Variants in MRPS27 observed in about 807,000 individuals in gnomAD.
MRPS27 encodes the protein mitochondrial ribosomal protein S27, also known as small ribosomal subunit protein mS27.
MRPS27 carries 43 observed loss-of-function variants against 48.9 expected under a neutral mutation model. The ratio of observed to expected loss-of-function variants is 0.88; its 90% CI spans 0.69 to 1.13. The LOEUF (loss-of-function observed/expected upper bound fraction) is 1.13, where lower values mean the gene tolerates loss of function less well. Among genes scored for constraint, MRPS27 ranks in the 50% most tolerant of loss-of-function variants. The pLI is 0.00. For synonymous variants in MRPS27, 188 were observed against 171.9 expected, an observed-to-expected ratio of 1.09 and a Z score of -0.73; for missense variants, 467 against 476.3, an observed-to-expected ratio of 0.98 and a Z score of 0.18.
At chr5:72,258,510 G>C (rs1305438637) in intron 4 of MRPS27, among the ~76,000 whole-genome samples, 1 of 152,146 alleles carries the variant, frequency 6.6e-6, no homozygotes, top group African/African-American at 2.4e-5. Flanking sequence ...GGACAACACT[G>C]CTGGGAAGTG....
At chr5:72,267,885 G>A (rs1020692173) in intron 4 of MRPS27, among the ~76,000 whole-genome samples, 1 of 151,944 alleles carries the variant, frequency 6.6e-6, no homozygotes, top group African/African-American at 2.4e-5. Context: ...AAATGTTCAG[G>A]GAACTTATGT....
intron 5 of MRPS27, among the ~76,000 whole-genome samples, chr5:72,237,492 T>C (rs139017908): frequency 6.6e-6 from 1 of 152,294 alleles, no homozygotes; most frequent in African/African-American, 2.4e-5. Flanking sequence ...TTCAAACTAG[T>C]GTTTAGCTTC....
At chr5:72,291,357 C>G (rs746218356) in intron 4 of MRPS27, among the ~76,000 whole-genome samples, 1 of 152,158 alleles carries the variant, frequency 6.6e-6, no homozygotes, top group Non-Finnish European at 1.5e-5. Flanking sequence ...CTCTGGCAGT[C>G]TGATGAAGGC....
At chr5:72,307,696 T>C (rs1750311040) in intron 2 of MRPS27, among the ~76,000 whole-genome samples, 1 of 151,938 alleles carries the variant, frequency 6.6e-6, no homozygotes, top group African/African-American at 2.4e-5. Context: ...TCTGTGGCGT[T>C]AGAAGTCAGG....
At chr5:72,233,103 A>G (rs779101986) in intron 6 of MRPS27, among the ~76,000 whole-genome samples, 7 of 152,164 alleles carry the variant, frequency 4.6e-5, no homozygotes, top group Non-Finnish European at 7.4e-5. Context: ...ATGCTAAAGG[A>G]AACCCTAAAT....
At chr5:72,241,443 A>ATTTT (rs918928847) in intron 4 of MRPS27, 11 of 556,846 alleles carry the variant, frequency 2.0e-5, no homozygotes, top group Admixed American at 1.3e-4. Context: ...CCCCATCAGC[A>ATTTT]TTAAAAAGAT....
intron 8 of MRPS27, chr5:72,227,091 A>C (rs1425279287): frequency 6.6e-6 from 1 of 152,402 alleles, no homozygotes; most frequent in Non-Finnish European, 1.5e-5. Context: ...CATTCTGGGC[A>C]GCTGCTTCCA....
chr5:72,318,633 G>A (rs1427136327), intron 1 of MRPS27, among the ~76,000 whole-genome samples: 1 of 152,094 alleles, frequency 6.6e-6, no homozygotes, highest in South Asian at 2.1e-4. Flanking sequence ...CGTCTCTACT[G>A]AAAATACAAA....
chr5:72,225,609 A>G (rs1747872350), intron 9 of MRPS27, among the ~76,000 whole-genome samples: 1 of 152,226 alleles, frequency 6.6e-6, no homozygotes, highest in African/African-American at 2.4e-5. Context: ...CATCAGCATC[A>G]CACATTCACA....
intron 4 of MRPS27, among the ~76,000 whole-genome samples, chr5:72,253,379 C>A (rs1748718415): frequency 6.6e-6 from 1 of 152,072 alleles, no homozygotes; most frequent in Non-Finnish European, 1.5e-5. Context: ...GATCTGTAAA[C>A]TAGTCAATGG....
intron 2 of MRPS27, among the ~76,000 whole-genome samples, chr5:72,305,552 G>C (rs1254698495): frequency 6.6e-6 from 1 of 152,178 alleles, no homozygotes; most frequent in Non-Finnish European, 1.5e-5. Context: ...AACAAACCAA[G>C]AGAAACCAAC....
At chr5:72,260,002 C>G (rs1748924528) in intron 4 of MRPS27, among the ~76,000 whole-genome samples, 1 of 152,156 alleles carries the variant, frequency 6.6e-6, no homozygotes, top group Admixed American at 6.5e-5. Flanking sequence ...CTTACTAGAA[C>G]TGCCTTTCCT....
chr5:72,240,840 A>C (rs1437192835), intron 4 of MRPS27, among the ~76,000 whole-genome samples: 1 of 152,212 alleles, frequency 6.6e-6, no homozygotes, highest in Non-Finnish European at 1.5e-5. Flanking sequence ...GCCTAAAGGG[A>C]AAGTTACTCA....
intron 7 of MRPS27, chr5:72,229,354 G>C (rs1378518624): frequency 6.6e-6 from 1 of 152,026 alleles, no homozygotes; most frequent in East Asian, 1.9e-4. Context: ...TGCAATACAA[G>C]TGTCATTTCT....
intron 10 of MRPS27, 45 bp from the exon 11 acceptor site, chr5:72,221,193 GA>G (rs767285518): frequency 1.3e-6 from 2 of 1,597,630 alleles, no homozygotes; most frequent in South Asian, 2.3e-5. Context: ...GTAGAGAAGT[GA>G]GAGAAAGATA....
chr5:72,299,746 A>G (rs1750081240), intron 2 of MRPS27, among the ~76,000 whole-genome samples: 1 of 152,236 alleles, frequency 6.6e-6, no homozygotes, highest in Admixed American at 6.5e-5. Context: ...AATCCTAGGC[A>G]GCATACTCTC....
At chr5:72,246,477 A>G (rs1181104050) in intron 4 of MRPS27, among the ~76,000 whole-genome samples, 2 of 152,204 alleles carry the variant, frequency 1.3e-5, no homozygotes, top group South Asian at 4.1e-4. Context: ...GAAGCCGTTA[A>G]GTTGAGGACA....
intron 7 of MRPS27, among the ~76,000 whole-genome samples, chr5:72,231,657 A>G (rs1748068344): frequency 6.6e-6 from 1 of 152,196 alleles, no homozygotes; most frequent in Non-Finnish European, 1.5e-5. Context: ...TTAGAAAGGC[A>G]TAACATGCCA....
chr5:72,249,841 G>A (rs967311819), intron 4 of MRPS27, among the ~76,000 whole-genome samples: 2 of 150,608 alleles, frequency 1.3e-5, no homozygotes, highest in African/African-American at 4.9e-5. Flanking sequence ...GAAATTAGCC[G>A]AGTGTGGTGG....
Sources: allele counts gnomAD v4.1 joint callset (sites outside exome capture counted in the v4.1 genomes callset), GRCh38; gene constraint gnomAD v4.1.1; transcripts MANE v1.5; gene names NCBI Gene and HGNC (gene_info 2026-07-23, HGNC 2026-07-21).